The following GEMIN4 variants were observed in gnomAD, a reference collection of about 807,000 sequenced individuals.
GEMIN4 encodes gem-associated protein 4.
A neutral mutation model predicts 76.8 loss-of-function variants in GEMIN4; 59 were observed. That is an observed-to-expected ratio of 0.77 (90% CI 0.62 to 0.95). The LOEUF is 0.95. Ranked by LOEUF, GEMIN4 falls within the 40% of genes least tolerant of loss-of-function variation. The pLI, the probability that GEMIN4 is intolerant of heterozygous loss-of-function variation, is 0.00. For missense variants in GEMIN4, 1,311 were observed against 1,318.9 expected (o/e 0.99, Z 0.09); for synonymous variants, 562 against 559.7 (o/e 1.00, Z -0.06).
intron 1 of GEMIN4, 170 bp from the exon 2 acceptor site, chr17:748,202 G>A (rs994228878): frequency 6.6e-6 from 4 of 606,462 alleles, no homozygotes; most frequent in Non-Finnish European, 1.1e-5. Flanking sequence ...GAAGGACTTG[G>A]CCGAGGAATC....
At chr17:752,305 A>C, upstream of GEMIN4, 1 of 1,223,318 alleles carries the variant, frequency 8.2e-7, no homozygotes, top group Non-Finnish European at 1.0e-6. Context: ...TCCGCCGCGC[A>C]CGCGCAGTCC....
chr17:748,320 GC>G, intron 1 of GEMIN4: 1 of 402,000 alleles, frequency 2.5e-6, no homozygotes, highest in Non-Finnish European at 4.5e-6. Flanking sequence ...GATGAGTTCA[GC>G]TTTGGCCATC....
intron 1 of GEMIN4, 154 bp from the exon 2 acceptor site, chr17:748,186 G>T: frequency 1.6e-6 from 1 of 629,314 alleles, no homozygotes; most frequent in Non-Finnish European, 2.7e-6. Context: ...TGCACAGCTG[G>T]AGTCAGAAGG....
Position 745,965 on chromosome 17 carries a change from G to A in GEMIN4, c.2078C>T (p.Ser693Phe). The A allele has an allele frequency of 6.8e-6, 11 of 1,613,198 alleles. No individual in the cohort carries two copies. The highest frequency in any genetic ancestry group is 8.5e-6 in the Non-Finnish European group (10 of 1,179,852). Residue 693 changes from serine (S) to phenylalanine (F), a missense_variant, in exon 2 of 2, where the codon TCC becomes TTC. Ser to Phe is a radical substitution (Grantham distance 155). Transcript: ENST00000319004. This position sits in a 1 kb window ranked among gnomAD's most constrained non-coding sequence, Gnocchi z 4.6. ...CREEYWLQTC[S>F]PFPLLFSLCQ... is the part of the protein sequence containing the mutation. ...CAAGCTGAAGAGGAGTGGAAACGGG[G>A]AGCAGGTCTGGAGCCAGTATTCCTC...
At position 746,745 on chromosome 17, in the gene GEMIN4, A is replaced by C; in HGVS notation, c.1298T>G (p.Phe433Cys). 1.2e-6 allele frequency: 2 copies of C among 1,613,730 alleles called. No homozygotes were observed. Among genetic ancestry groups the C allele is most frequent in the Non-Finnish European group, 1.7e-6 (2 of 1,179,860 alleles). Residue 433 changes from phenylalanine (F) to cysteine (C), a missense_variant, in exon 2 of 2, where the codon TTC (phenylalanine) becomes TGC (cysteine). By Grantham distance (205) the Phe-to-Cys change is radical. Transcript: ENST00000319004. This position sits in a 1 kb window ranked among gnomAD's most constrained non-coding sequence, Gnocchi z 4.3. ...CAGGCAGGCTACCCACTCGTCCGAG[A>C]AGGCCCACTTCTTCTCAGAGGCAAA... ...YIFASEKKWA[F>C]SDEWVACLGS... is the part of the protein sequence containing the mutation.
chr17:751,741 G>A (rs560224117), intron 1 of GEMIN4: 4 of 228,232 alleles, frequency 1.8e-5, no homozygotes, highest in Admixed American at 5.7e-5. Flanking sequence ...CGTCATGAGC[G>A]TAAGACACTT....
chr17:751,808 G>C (rs1301213262), intron 1 of GEMIN4: 5 of 343,754 alleles, frequency 1.5e-5, no homozygotes, highest in African/African-American at 2.1e-5. Flanking sequence ...TGAGGCCGTC[G>C]GGGCGCCCAG....
chr17:744,930 A>G lies in GEMIN4; in HGVS notation c.3113T>C (p.Ile1038Thr), dbSNP rs767106378. ...TTCTTCAGGGCCGATGCCCTCAGCAATGGACTTTAAGAAGCGCTGCTCGTG... is the reference window on the plus strand; with the variant it reads ...TTCTTCAGGGCCGATGCCCTCAGCAGTGGACTTTAAGAAGCGCTGCTCGTG... The part of the protein sequence containing the change: ...RAHEQRFLKS[I>T]AEGIGPEERR... Residue 1038 changes from isoleucine (I) to threonine (T), a missense_variant, in exon 2 of 2, where the codon ATT becomes ACT. Ile to Thr is a moderately conservative substitution (Grantham distance 89). Transcript: ENST00000319004. 5 of 1,613,848 alleles carry G rather than the reference A, an allele frequency of 3.1e-6. No homozygotes were observed. The highest frequency in any genetic ancestry group is 8.5e-7 in the Non-Finnish European group (1 of 1,179,872).
chr17:752,072 A>C (rs2144210687), intron 1 of GEMIN4, 61 bp downstream of exon 1: 1 of 1,129,856 alleles, frequency 8.9e-7, no homozygotes, highest in East Asian at 3.2e-5. Context: ...GCGACGGGGC[A>C]GCACCGCTCT....
rs1474907513 is a variant in GEMIN4, at chr17:746,232, A to G, written c.1811T>C (p.Val604Ala). The change falls in exon 2 of 2, where the codon GTG (valine) becomes GCG (alanine). Residue 604 changes from valine to alanine, a missense_variant. Coordinates refer to ENST00000319004, the MANE Select transcript of GEMIN4 (RefSeq NM_015721.3). This position sits in a 1 kb window ranked among gnomAD's most constrained non-coding sequence, Gnocchi z 4.3. The stretch of plus-strand genomic sequence containing the variant: ...CCAGACGGTTTCTTTGAGGCATGAC[A>G]CCATGAAAGTGGCAGATGAATTGGG... The part of the protein sequence containing the change: ...QGPNSSATFM[V>A]SCLKETVWMK... 2 of 1,613,802 alleles carry G rather than the reference A, an allele frequency of 1.2e-6. No individual in the cohort carries two copies. The highest frequency in any genetic ancestry group is 1.7e-5 in the Admixed American group (1 of 60,020).
At position 745,831 on chromosome 17, in the gene GEMIN4, C is replaced by G. The variant is rs1256955910; in HGVS notation, c.2212G>C (p.Glu738Gln). The change falls in exon 2 of 2, where the codon GAG becomes CAG. Residue 738 changes from glutamate to glutamine, a missense_variant. By Grantham distance (29) the Glu-to-Gln change is conservative. Transcript: ENST00000319004. This position sits in a 1 kb window ranked among gnomAD's most constrained non-coding sequence, Gnocchi z 4.6. ...GTCTCAGCATTGGCTGATACAATCTCACACAGGAGCTCCAGGATATGGATC... is the reference window on the plus strand; with the variant it reads ...GTCTCAGCATTGGCTGATACAATCTGACACAGGAGCTCCAGGATATGGATC... ...LAIHILELLC[E>Q]IVSANAETFS... The G allele has an allele frequency of 6.2e-7, 1 of 1,612,940 alleles. No individual in the cohort carries two copies. Among genetic ancestry groups the G allele is most frequent in the Non-Finnish European group, 8.5e-7 (1 of 1,179,842 alleles).
Position 747,643 on chromosome 17 carries a change from T to G in GEMIN4, c.400A>C (p.Thr134Pro), listed in dbSNP as rs1904330975. ...LFIQLLMALPTTICHAELERF... is the reference protein window; with the variant it reads ...LFIQLLMALPPTICHAELERF... ...TCTAGTTCTGCATGGCAGATGGTGG[T>G]GGGCAGGGCCATCAGGAGCTGGATA... Residue 134 changes from threonine (T) to proline (P), a missense_variant, in exon 2 of 2, where the codon ACC becomes CCC. Thr to Pro is a conservative substitution (Grantham distance 38). Around this residue, in one of 2 missense-constraint regions of GEMIN4, gnomAD observed 1,208 missense variants for 1,166.9 expected, o/e 1.04. Transcript: ENST00000319004. 1 of 1,613,850 alleles carries G rather than the reference T, an allele frequency of 6.2e-7. No homozygotes were observed. Among genetic ancestry groups the G allele is most frequent in the African/African-American group, 1.3e-5 (1 of 75,006 alleles).
chr17:749,449 G>T (rs61579041), intron 1 of GEMIN4: 1 of 149,880 alleles, frequency 6.7e-6, no homozygotes. Flanking sequence ...GCAATCACAC[G>T]GCTACAGGAT....
At position 747,134 on chromosome 17, in the gene GEMIN4, G is replaced by C; in HGVS notation, c.909C>G (p.Thr303=). ...VKEAERDVSL[T]SLAKLPSETI... ...TCTCACTGGGGAGTTTGGCCAGCGA[G>C]GTCAGGCTGACATCCCGTTCTGCCT... The change falls in exon 2 of 2, where the codon ACC becomes ACG. Residue 303 remains threonine (T), a synonymous_variant. Coordinates refer to ENST00000319004, the MANE Select transcript of GEMIN4 (RefSeq NM_015721.3). 6.2e-7 allele frequency: 1 copy of C among 1,613,778 alleles called. No individual in the cohort carries two copies. The highest frequency in any genetic ancestry group is 1.1e-5 in the South Asian group (1 of 91,074).
chr17:751,805 G>A lies in GEMIN4; in HGVS notation c.10+328C>T, dbSNP rs1455464330. On this transcript the variant is annotated intron_variant, in intron 1 of 1. Coordinates refer to ENST00000319004, the MANE Select transcript of GEMIN4 (RefSeq NM_015721.3). ...CAGCTGCCGTTCAGGAAATGAGGCC[G>A]TCGGGGCGCCCAGGGGTGCTCGGAG... 2.6e-5 allele frequency: 9 copies of A among 340,328 alleles called. No individual in the cohort carries two copies. The Admixed American group carries it at 2.9e-4, about 11-fold the overall frequency. 21.1% of individuals were successfully genotyped at this position (340,328 alleles called of 1,614,324 possible). A position where few individuals can be genotyped will look rare whatever the true frequency, so the allele number is the denominator to read the frequency against.
rs773276159 is a variant in GEMIN4, at chr17:746,974, G to A, written c.1069C>T (p.Gln357Ter). 6.8e-6 allele frequency: 11 copies of A among 1,613,218 alleles called. No individual in the cohort carries two copies. Among genetic ancestry groups the A allele is most frequent in the Non-Finnish European group, 9.3e-6 (11 of 1,179,718 alleles). The change falls in exon 2 of 2, where the codon CAG becomes TAG. Residue 357 changes from glutamine (Q) to a stop codon, truncating the protein, a stop_gained. Transcript: ENST00000319004. LOFTEE classifies it high-confidence loss of function. This position sits in a 1 kb window ranked among gnomAD's most constrained non-coding sequence, Gnocchi z 4.3. ...CGGTTCAGGTAGAGCGTCGCGTTCT[G>A]GCTGAAGGAAGTCAGACTGTCGCAC... ...RLCDSLTSFSQNATLYLNRTS... is the reference protein window; with the variant it reads ...RLCDSLTSFS
At position 752,254 on chromosome 17, in the gene GEMIN4, T is replaced by A. The variant is rs1463942621; in HGVS notation, c.-112A>T. On this transcript the variant is annotated 5_prime_UTR_variant, in exon 1 of 2. The change creates a new upstream start codon in the 5' untranslated region. Coordinates refer to ENST00000319004, the MANE Select transcript of GEMIN4 (RefSeq NM_015721.3). ...GACGCAGGAGCCACGGCGGCCGCGC[T>A]TAGGCCTGCTCACAACCTCCGCCCG... 7 of 1,226,920 alleles carry A rather than the reference T, an allele frequency of 5.7e-6. No homozygotes were observed. In the East Asian group the frequency reaches 1.9e-4, roughly 33 times the overall value. The allele number at this position is 1,226,920 out of a possible 1,614,324, so 76.0% of individuals were successfully genotyped here.
intron 1 of GEMIN4, chr17:748,981 G>A (rs111339036): frequency 1.9e-4 from 23 of 118,508 alleles, no homozygotes; most frequent in Admixed American, 3.8e-4. Context: ...GCAATCACAC[G>A]GCCACAGGGT....
At position 744,777 on chromosome 17, in the gene GEMIN4, T is replaced by A. The variant is rs918127147; in HGVS notation, c.*89A>T. On this transcript the variant is annotated 3_prime_UTR_variant, in exon 2 of 2. Transcript: ENST00000319004. ...TCTGACCCCTACAGACCTGCCATGT[T>A]GAAGCCCAGCTTTTTCGCTCCCGCA... 2 of 1,420,856 alleles carry A rather than the reference T, an allele frequency of 1.4e-6. No individual in the cohort carries two copies. Among genetic ancestry groups the A allele is most frequent in the African/African-American group, 2.9e-5 (2 of 70,128 alleles). The allele number at this position is 1,420,856 out of a possible 1,614,324, so 88.0% of individuals were successfully genotyped here.
Sources: gnomAD v4.1 joint callset for allele counts on GRCh38, gnomAD v4.1.1 for gene constraint, gnomAD v4.1.1 regional missense constraint, Gnocchi (gnomAD v3.1) non-coding constraint, MANE v1.5 for transcripts, NCBI Gene and HGNC (gene_info 2026-07-23, HGNC 2026-07-21) for gene names.